The following WDFY3 variants were observed in gnomAD, a reference collection of about 807,000 sequenced individuals.
WDFY3 encodes the protein WD repeat and FYVE domain-containing protein 3.
WDFY3 carries 66 observed loss-of-function variants against 409.6 expected under a neutral mutation model. That is an observed-to-expected ratio of 0.16 (90% CI 0.13 to 0.20). The LOEUF (loss-of-function observed/expected upper bound fraction) is 0.20. Ranked by LOEUF, WDFY3 falls within the 10% of genes least tolerant of loss-of-function variation. The pLI is 1.00. For missense variants in WDFY3, 3,031 were observed against 4,298.1 expected, an observed-to-expected ratio of 0.71 and a Z score of 8.24; for synonymous variants, 1,521 against 1,537.1, an observed-to-expected ratio of 0.99 and a Z score of 0.25.
chr4:84,786,195 A>G, intron 23 of WDFY3, 56 bp from the exon 24 acceptor site: 1 of 1,501,556 alleles, frequency 6.7e-7, no homozygotes. Flanking sequence ...TCTTAAAGTA[A>G]GTTTTTTATT....
chr4:84,940,201 G>C (rs943685501), intron 1 of WDFY3, among the ~76,000 whole-genome samples: 1 of 152,006 alleles, frequency 6.6e-6, no homozygotes, highest in African/African-American at 2.4e-5. Flanking sequence ...ACTATGAAAA[G>C]TAAACCTAAT....
chr4:84,857,169 A>G (rs1759871018), intron 4 of WDFY3, among the ~76,000 whole-genome samples: 1 of 152,166 alleles, frequency 6.6e-6, no homozygotes, highest in African/African-American at 2.4e-5. Flanking sequence ...ATATGTTTCT[A>G]ATCAACCAAT....
intron 2 of WDFY3, among the ~76,000 whole-genome samples, chr4:84,905,451 T>C (rs1352231475): frequency 2.6e-5 from 4 of 152,210 alleles, no homozygotes; most frequent in African/African-American, 9.6e-5. Context: ...GTATTTTCCT[T>C]GCTTTCCTCC....
intron 2 of WDFY3, among the ~76,000 whole-genome samples, chr4:84,908,535 A>G (rs1332506774): frequency 3.3e-5 from 5 of 152,212 alleles, no homozygotes; most frequent in African/African-American, 1.2e-4. Flanking sequence ...CCAAAAAGAC[A>G]GAACTATAAA....
chr4:84,673,059 TA>T, intron 67 of WDFY3, 68 bp from the exon 68 acceptor site: 9 of 1,596,634 alleles, frequency 5.6e-6, no homozygotes, highest in Non-Finnish European at 7.7e-6. Flanking sequence ...CCGGAAACAT[TA>T]ATAATCGAAT....
intron 32 of WDFY3, among the ~76,000 whole-genome samples, chr4:84,764,860 G>A (rs1450856271): frequency 1.4e-5 from 2 of 139,160 alleles, no homozygotes; most frequent in Admixed American, 7.5e-5. Context: ...GCTAGACTCC[G>A]ACTCAAAAAA....
intron 2 of WDFY3, among the ~76,000 whole-genome samples, chr4:84,908,186 G>A (rs560468325): frequency 8.1e-4 from 123 of 152,214 alleles, no homozygotes; most frequent in African/African-American, 2.8e-3. Flanking sequence ...TATGGAAAAC[G>A]GCTCCAAAGG....
intron 24 of WDFY3, among the ~76,000 whole-genome samples, chr4:84,784,271 C>A (rs1747081084): frequency 6.6e-6 from 1 of 152,206 alleles, no homozygotes; most frequent in African/African-American, 2.4e-5. Context: ...CATGTAGACT[C>A]ATGGCTTTAA....
intron 13 of WDFY3, among the ~76,000 whole-genome samples, chr4:84,815,414 T>C (rs1271112790): frequency 6.6e-6 from 1 of 152,164 alleles, no homozygotes; most frequent in Non-Finnish European, 1.5e-5. Flanking sequence ...ATCAGAGAAC[T>C]AACGTTCAAA....
At chr4:84,895,554 T>C (rs927825150) in intron 3 of WDFY3, among the ~76,000 whole-genome samples, 8 of 152,192 alleles carry the variant, frequency 5.3e-5, no homozygotes, top group African/African-American at 1.9e-4. Context: ...GAGATGAGGC[T>C]TGCAGAGAAA....
intron 48 of WDFY3, 40 bp from the exon 49 acceptor site, chr4:84,717,056 A>G: frequency 1.3e-6 from 2 of 1,533,330 alleles, no homozygotes; most frequent in Non-Finnish European, 8.8e-7. Flanking sequence ...AAAACACAGC[A>G]AGGGATAAAT....
chr4:84,848,921 T>A lies in WDFY3; in HGVS notation c.304+981A>T, dbSNP rs564698101. Among the ~76,000 whole-genome samples the A allele has an allele frequency of 1.1e-4, 16 of 152,262 alleles. No homozygotes were observed. In the East Asian group the frequency reaches 2.9e-3, roughly 28 times the overall value. The stretch of plus-strand genomic sequence containing the variant: ...TGCTGTATGATGTAGTGGAATTTGT[T>A]CTAAGTCCTGGCAGCTGAAAGGTTG... On this transcript the variant is annotated intron_variant, in intron 5 of 67. Transcript: ENST00000295888.
chr4:84,923,763 C>T (rs1206396570), intron 2 of WDFY3, among the ~76,000 whole-genome samples: 1 of 152,142 alleles, frequency 6.6e-6, no homozygotes, highest in Non-Finnish European at 1.5e-5. Context: ...CTTTGGGAGG[C>T]TGAGGCAGGT....
intron 17 of WDFY3, among the ~76,000 whole-genome samples, chr4:84,801,270 A>G (rs1578581503): frequency 6.6e-6 from 1 of 152,216 alleles, no homozygotes; most frequent in East Asian, 1.9e-4. Flanking sequence ...GCACAGGAAA[A>G]CTCTTGGATC....
Position 84,704,355 on chromosome 4 carries a change from T to A in WDFY3, c.8425A>T (p.Ile2809Leu). ...AGTTTTACCTGTAGCCTTAAGAATA[T>A]CTGTGTGAAAGGCTCCATCCTTACA... ...YLVRMEPFTQ[I>L]FLRLQGGHFD... Residue 2809 changes from isoleucine to leucine, a missense_variant, in exon 55 of 68, where the codon ATA becomes TTA. This residue lies in a region of WDFY3 where 129 missense variants were observed against 305.3 expected (regional missense o/e 0.42). Coordinates refer to ENST00000295888, the MANE Select transcript of WDFY3 (RefSeq NM_014991.6). 6.2e-7 allele frequency: 1 copy of A among 1,607,994 alleles called. No homozygotes were observed. Among genetic ancestry groups the A allele is most frequent in the Non-Finnish European group, 8.5e-7 (1 of 1,177,352 alleles).
At chr4:84,775,476 G>GA (rs1745393010) in intron 27 of WDFY3, among the ~76,000 whole-genome samples, 1 of 151,198 alleles carries the variant, frequency 6.6e-6, no homozygotes, top group South Asian at 2.1e-4. Flanking sequence ...TATTTAAAAT[G>GA]AAAAATATAC....
At chr4:84,948,507 C>T (rs1349531151) in intron 1 of WDFY3, among the ~76,000 whole-genome samples, 1 of 152,214 alleles carries the variant, frequency 6.6e-6, no homozygotes, top group African/African-American at 2.4e-5. Flanking sequence ...CTGGCTTCGC[C>T]TGTCACTTAA....
intron 5 of WDFY3, among the ~76,000 whole-genome samples, chr4:84,843,873 A>G (rs1757718651): frequency 6.6e-6 from 1 of 152,252 alleles, no homozygotes; most frequent in South Asian, 2.1e-4. Context: ...AGTCAGAAAC[A>G]TACTGGGTCT....
intron 43 of WDFY3, 68 bp downstream of exon 43, chr4:84,734,975 G>A (rs1737195269): frequency 7.5e-7 from 1 of 1,333,600 alleles, no homozygotes; most frequent in South Asian, 1.2e-5. Context: ...AAAGATACCA[G>A]GACAAACAGA....
Sources: gnomAD v4.1 joint callset for allele counts (sites outside exome capture counted in the v4.1 genomes callset) on GRCh38, gnomAD v4.1.1 for gene constraint, gnomAD v4.1.1 regional missense constraint, MANE v1.5 for transcripts, NCBI Gene and HGNC (gene_info 2026-07-23, HGNC 2026-07-21) for gene names.